The following RNF2 variants were observed in gnomAD, a reference collection of about 807,000 sequenced individuals.
The protein encoded by RNF2 is E3 ubiquitin-protein ligase RING2.
Under a neutral mutation model 37.2 loss-of-function variants are expected in RNF2, and 6 were observed. The observed-to-expected ratio is 0.16, with a 90% CI of 0.09 to 0.32. The LOEUF (loss-of-function observed/expected upper bound fraction) is 0.32, where lower values mean the gene tolerates loss of function less well. RNF2 is among the 10% of genes least tolerant of loss of function. RNF2 has a pLI of 1.00. For synonymous variants in RNF2, 133 were observed against 132.7 expected, an observed-to-expected ratio of 1.00 and a Z score of -0.02; for missense variants, 251 against 404.0, an observed-to-expected ratio of 0.62 and a Z score of 3.25.
chr1:185,060,761 A>T (rs1650574531), intron 1 of RNF2, among the ~76,000 whole-genome samples: 1 of 152,228 alleles, frequency 6.6e-6, no homozygotes, highest in Non-Finnish European at 1.5e-5. Context: ...CTGGCAGATG[A>T]GAACCAGGAG....
chr1:185,084,831 C>T (rs1300416295), intron 1 of RNF2, among the ~76,000 whole-genome samples: 3 of 152,162 alleles, frequency 2.0e-5, no homozygotes, highest in Non-Finnish European at 4.4e-5. Flanking sequence ...GTTGCCATAG[C>T]AGGTGTCTAA....
At chr1:185,095,751 T>C (rs1651892913) in intron 4 of RNF2, among the ~76,000 whole-genome samples, 1 of 152,236 alleles carries the variant, frequency 6.6e-6, no homozygotes, top group African/African-American at 2.4e-5. Context: ...TTGTCTTATG[T>C]TGAAATACTT....
chr1:185,055,123 A>G (rs868432839), intron 1 of RNF2, among the ~76,000 whole-genome samples: 6 of 152,222 alleles, frequency 3.9e-5, no homozygotes, highest in African/African-American at 9.6e-5. Context: ...GCTTTAGGGA[A>G]TAGGGAAAGT....
chr1:185,079,079 C>CTT (rs58085875), intron 1 of RNF2, among the ~76,000 whole-genome samples: 19,429 of 130,138 alleles, frequency 0.15, 1,507 homozygotes, highest in East Asian at 0.27. Context: ...TAGATCTTTT[C>CTT]TTTTTTTTTT....
rs766047000 is a variant in RNF2 at position 185,098,259 on chromosome 1, C to A, written c.652C>A (p.Pro218Thr). 6.2e-7 allele frequency: 1 copy of A among 1,614,092 alleles called. No homozygotes were observed. The highest frequency in any genetic ancestry group is 1.1e-5 in the South Asian group (1 of 91,086). ...TAACAATGCAGCAATGGCAATTGAT[C>A]CAGTAATGGATGGTGCTAGTGAAAT... ...DNNNAAMAID[P>T]VMDGASEIEL... Residue 218 changes from proline (P) to threonine (T), a missense_variant, in exon 5 of 7, where the codon CCA becomes ACA. By Grantham distance (38) the Pro-to-Thr change is conservative. Coordinates refer to ENST00000367510, the MANE Select transcript of RNF2 (RefSeq NM_007212.4).
At chr1:185,049,118 C>T (rs1452922070) in intron 1 of RNF2, among the ~76,000 whole-genome samples, 5 of 152,042 alleles carry the variant, frequency 3.3e-5, no homozygotes, top group Non-Finnish European at 7.4e-5. Context: ...CCCAGCTACT[C>T]AGGAGGCTGA....
intron 1 of RNF2, among the ~76,000 whole-genome samples, chr1:185,053,196 GTTA>G (rs1210659381): frequency 6.6e-6 from 1 of 152,044 alleles, no homozygotes; most frequent in Non-Finnish European, 1.5e-5. Context: ...AGGTATTATT[GTTA>G]TTATTCCCAT....
At chr1:185,067,845 GGACTACAGGC>G (rs1369155803) in intron 1 of RNF2, among the ~76,000 whole-genome samples, 1 of 145,256 alleles carries the variant, frequency 6.9e-6, no homozygotes, top group East Asian at 2.1e-4. Context: ...CGAGTAGCTG[GGACTACAGGC>G]GCCTGCCACC....
intron 1 of RNF2, among the ~76,000 whole-genome samples, chr1:185,047,158 G>A (rs1005580757): frequency 4.6e-5 from 7 of 152,180 alleles, no homozygotes; most frequent in Non-Finnish European, 1.0e-4. Flanking sequence ...AAGGATTGTA[G>A]TTATTTTCCT....
chr1:185,088,453 G>A (rs1328181658), intron 2 of RNF2, among the ~76,000 whole-genome samples: 3 of 152,070 alleles, frequency 2.0e-5, no homozygotes, highest in Admixed American at 1.3e-4. Context: ...CTACTTGGGA[G>A]GCTGAGGCAG....
intron 4 of RNF2, among the ~76,000 whole-genome samples, 168 bp downstream of exon 4, chr1:185,093,444 T>G (rs1160004475): frequency 6.6e-6 from 1 of 152,250 alleles, no homozygotes; most frequent in Admixed American, 6.5e-5. Flanking sequence ...GTATTTCATT[T>G]AAAATACTAG....
At chr1:185,093,454 G>A (rs1249921384) in intron 4 of RNF2, among the ~76,000 whole-genome samples, 178 bp downstream of exon 4, 1 of 152,098 alleles carries the variant, frequency 6.6e-6, no homozygotes, top group Non-Finnish European at 1.5e-5. Context: ...TAAAATACTA[G>A]AATCTCTGTT....
chr1:185,100,232 C>T lies in RNF2; in HGVS notation c.942C>T (p.Val314=). ...ATGGCTCTTTTTCTTTGGAATTGGT[C>T]AGTGAGAAATACTGGAAAGTGAACA... ...VLNGSFSLEL[V]SEKYWKVNKP... is the part of the protein sequence containing the mutation. Residue 314 remains valine, a synonymous_variant, in exon 7 of 7, where the codon GTC becomes GTT. Transcript: ENST00000367510. 1 of 1,609,144 alleles carries T rather than the reference C, an allele frequency of 6.2e-7. No homozygotes were observed. Among genetic ancestry groups the T allele is most frequent in the South Asian group, 1.1e-5 (1 of 89,624 alleles).
At chr1:185,093,377 T>C in intron 4 of RNF2, 101 bp downstream of exon 4, 1 of 1,002,104 alleles carries the variant, frequency 1.0e-6, no homozygotes, top group South Asian at 1.5e-5. Flanking sequence ...TAACAAATAG[T>C]AGTACTGCAT....
At chr1:185,075,140 C>T (rs1426991036) in intron 1 of RNF2, among the ~76,000 whole-genome samples, 1 of 152,056 alleles carries the variant, frequency 6.6e-6, no homozygotes. Flanking sequence ...ATTACAGGCA[C>T]CCATCACCAC....
intron 1 of RNF2, among the ~76,000 whole-genome samples, chr1:185,078,058 C>T (rs1651230627): frequency 6.6e-6 from 1 of 152,136 alleles, no homozygotes; most frequent in Non-Finnish European, 1.5e-5. Flanking sequence ...CTAGCCCGGC[C>T]AACATGGGTG....
At chr1:185,055,092 C>A (rs1314804310) in intron 1 of RNF2, among the ~76,000 whole-genome samples, 1 of 152,226 alleles carries the variant, frequency 6.6e-6, no homozygotes, top group African/African-American at 2.4e-5. Flanking sequence ...TATCACTTTG[C>A]AGATTGTTTA....
At chr1:185,068,622 A>G (rs1174521612) in intron 1 of RNF2, among the ~76,000 whole-genome samples, 2 of 152,234 alleles carry the variant, frequency 1.3e-5, no homozygotes, top group East Asian at 1.9e-4. Flanking sequence ...GCCAAGTGCA[A>G]TCCTGCCAGT....
intron 4 of RNF2, among the ~76,000 whole-genome samples, chr1:185,096,047 G>A (rs1651901990): frequency 6.6e-6 from 1 of 152,086 alleles, no homozygotes; most frequent in African/African-American, 2.4e-5. Context: ...ATATAGCTCT[G>A]TCACATCAAT....
Sources: allele counts gnomAD v4.1 joint callset (sites outside exome capture counted in the v4.1 genomes callset), GRCh38; gene constraint gnomAD v4.1.1; transcripts MANE v1.5; gene names NCBI Gene and HGNC (gene_info 2026-07-23, HGNC 2026-07-21).